PRKG1: variants seen among roughly 807,000 people sequenced by gnomAD.
PRKG1 encodes cGMP-dependent protein kinase 1.
PRKG1 carries 35 observed loss-of-function variants against 88.1 expected under a neutral mutation model. That is an observed-to-expected ratio of 0.40 (90% CI 0.30 to 0.53). The LOEUF (loss-of-function observed/expected upper bound fraction) is 0.53. Ranked by LOEUF, PRKG1 falls within the 20% of genes least tolerant of loss-of-function variation. The probability of loss-of-function intolerance (pLI) is 0.59; values close to 1 mark genes in which losing one functional copy is unlikely to be tolerated. For missense variants in PRKG1, 540 were observed against 839.8 expected, an observed-to-expected ratio of 0.64 and a Z score of 4.41; for synonymous variants, 303 against 292.5, an observed-to-expected ratio of 1.04 and a Z score of -0.37.
chr10:51,647,192 G>T (rs1258957038), intron 3 of PRKG1, among the ~76,000 whole-genome samples: 1 of 150,436 alleles, frequency 6.6e-6, no homozygotes, highest in Non-Finnish European at 1.5e-5. Flanking sequence ...ACTGAAATGA[G>T]ATTGCAAGGT....
At chr10:51,865,417 G>A (rs1305485122) in intron 4 of PRKG1, among the ~76,000 whole-genome samples, 1 of 151,442 alleles carries the variant, frequency 6.6e-6, no homozygotes, top group Admixed American at 6.6e-5. Flanking sequence ...TTCTTTCTAT[G>A]CGTACTATTC....
chr10:51,670,837 T>C (rs183444970), intron 3 of PRKG1, among the ~76,000 whole-genome samples: 38 of 151,996 alleles, frequency 2.5e-4, no homozygotes, highest in African/African-American at 8.4e-4. Flanking sequence ...ACTTAATCAG[T>C]ATTTTTATCC....
intron 7 of PRKG1, among the ~76,000 whole-genome samples, chr10:52,063,442 C>T (rs1398363787): frequency 6.6e-6 from 1 of 152,240 alleles, no homozygotes; most frequent in East Asian, 1.9e-4. Flanking sequence ...GCTCGGGGAG[C>T]TCCCAGGTCT....
chr10:52,218,316 A>C (rs1282726902), intron 9 of PRKG1, among the ~76,000 whole-genome samples: 1 of 151,966 alleles, frequency 6.6e-6, no homozygotes, highest in Non-Finnish European at 1.5e-5. Context: ...CATCCATCAA[A>C]GGGGCTGCTC....
intron 1 of PRKG1, among the ~76,000 whole-genome samples, chr10:51,150,252 C>A (rs1053939094): frequency 1.3e-5 from 2 of 152,058 alleles, no homozygotes; most frequent in South Asian, 4.1e-4. Context: ...AATAACACAA[C>A]TCAACTCACT....
chr10:51,385,985 T>C (rs1011427144), intron 2 of PRKG1, among the ~76,000 whole-genome samples: 2 of 152,320 alleles, frequency 1.3e-5, no homozygotes, highest in East Asian at 3.9e-4. Flanking sequence ...GAAAGAATCA[T>C]GAGTTAAATT....
intron 2 of PRKG1, among the ~76,000 whole-genome samples, chr10:51,197,018 T>A (rs926832290): frequency 6.6e-6 from 1 of 152,110 alleles, no homozygotes; most frequent in African/African-American, 2.4e-5. Context: ...TTATTTACAC[T>A]TATGCCTTTT....
chr10:51,985,423 A>G (rs1844129796), intron 5 of PRKG1, among the ~76,000 whole-genome samples: 1 of 152,186 alleles, frequency 6.6e-6, no homozygotes, highest in South Asian at 2.1e-4. Context: ...AATGTTATTC[A>G]TAGCTTTATT....
At chr10:51,417,631 A>G (rs1008720859) in intron 2 of PRKG1, among the ~76,000 whole-genome samples, 2 of 152,190 alleles carry the variant, frequency 1.3e-5, no homozygotes, top group African/African-American at 4.8e-5. Context: ...AGTCTTTTAT[A>G]TATCATTATT....
At chr10:51,263,285 T>A (rs1234379158) in intron 2 of PRKG1, among the ~76,000 whole-genome samples, 1 of 152,232 alleles carries the variant, frequency 6.6e-6, no homozygotes, top group East Asian at 1.9e-4. Context: ...TTCTTGATTT[T>A]CAAGTCTCTT....
chr10:51,385,150 G>A (rs142548975), intron 2 of PRKG1, among the ~76,000 whole-genome samples: 159 of 152,214 alleles, frequency 1.0e-3, no homozygotes, highest in African/African-American at 3.6e-3. Context: ...CTTGTGAAAC[G>A]GCTTTGGTTG....
At chr10:51,752,894 T>G (rs1277384599) in intron 3 of PRKG1, among the ~76,000 whole-genome samples, 1 of 152,150 alleles carries the variant, frequency 6.6e-6, no homozygotes, top group Non-Finnish European at 1.5e-5. Context: ...CAATTGTAGC[T>G]GCAACTGTTC....
rs182099056 is a variant in PRKG1 at position 52,084,185 on chromosome 10, G to A, written c.935+21554G>A. Among the ~76,000 whole-genome samples the A allele has an allele frequency of 2.5e-4, 38 of 152,016 alleles. No individual in the cohort carries two copies. The East Asian group carries it at 6.2e-3, about 25-fold the overall frequency. On this transcript the variant is annotated intron_variant, in intron 7 of 17. Coordinates refer to ENST00000373980, the MANE Select transcript of PRKG1 (RefSeq NM_006258.4). ...CATTTAAAATGCTTGATAGGGTCTG[G>A]TTTTTAAAAAGGAGCAGTAAGGTTT...
chr10:51,737,740 A>ATTATTATTATTATT (rs765792966), intron 3 of PRKG1, among the ~76,000 whole-genome samples: 1 of 133,434 alleles, frequency 7.5e-6, no homozygotes, highest in Non-Finnish European at 1.6e-5. Context: ...TTTATTTATT[A>ATTATTATTATTATT]ATTATTATTA....
intron 3 of PRKG1, among the ~76,000 whole-genome samples, chr10:51,743,937 C>T (rs1837513309): frequency 6.6e-6 from 1 of 151,106 alleles, no homozygotes; most frequent in Non-Finnish European, 1.5e-5. Context: ...TTTTGATTGG[C>T]TAAAAGCGAC....
intron 9 of PRKG1, among the ~76,000 whole-genome samples, chr10:52,231,831 A>T (rs979913343): frequency 1.3e-5 from 2 of 152,224 alleles, no homozygotes; most frequent in Non-Finnish European, 2.9e-5. Context: ...AACACTCTAG[A>T]AATTAACAAT....
chr10:51,563,134 A>T (rs1304752586), intron 3 of PRKG1, among the ~76,000 whole-genome samples: 4 of 152,030 alleles, frequency 2.6e-5, no homozygotes, highest in Non-Finnish European at 4.4e-5. Context: ...AGCATTGTTT[A>T]TTAAGTAGAA....
rs540586954 is a variant in PRKG1, at chr10:51,566,429, A to G, written c.592+98593A>G. On this transcript the variant is annotated intron_variant, in intron 3 of 17. Transcript: ENST00000373980. ...CATTGAACAAGCGTTTTGAGTGCCT[A>G]TATGTTCCAGACGCTGCTCTGAGTG... is the stretch of plus-strand genomic sequence containing the variant. 1.3e-4 allele frequency among the ~76,000 whole-genome samples: 20 copies of G among 152,228 alleles called. No homozygotes were observed. The East Asian group carries it at 3.5e-3, about 26-fold the overall frequency.
chr10:51,823,462 A>C (rs1157793753), intron 4 of PRKG1, among the ~76,000 whole-genome samples: 1 of 152,004 alleles, frequency 6.6e-6, no homozygotes, highest in African/African-American at 2.4e-5. Context: ...GCCAATTGTA[A>C]CATGAACCAC....
Sources: allele counts gnomAD v4.1 joint callset (sites outside exome capture counted in the v4.1 genomes callset), GRCh38; gene constraint gnomAD v4.1.1; transcripts MANE v1.5; gene names NCBI Gene and HGNC (gene_info 2026-07-23, HGNC 2026-07-21).